PAK2: variants seen among roughly 807,000 people sequenced by gnomAD.
The protein encoded by PAK2 is p21 (RAC1) activated kinase 2.
In PAK2, 21 loss-of-function variants were observed where a neutral mutation model predicts 65.9. The observed-to-expected ratio is 0.32, with a 90% CI of 0.23 to 0.46. The LOEUF (loss-of-function observed/expected upper bound fraction) is 0.46, where lower values mean the gene tolerates loss of function less well. Among genes scored for constraint, PAK2 ranks in the 20% least tolerant of loss-of-function variants. The probability of loss-of-function intolerance (pLI) is 1.00; values close to 1 mark genes in which losing one functional copy is unlikely to be tolerated. For missense variants in PAK2, 324 were observed against 642.6 expected, an observed-to-expected ratio of 0.50 and a Z score of 5.36; for synonymous variants, 204 against 219.7, an observed-to-expected ratio of 0.93 and a Z score of 0.63.
intron 11 of PAK2, among the ~76,000 whole-genome samples, chr3:196,817,199 C>G (rs1439336392): frequency 3.5e-5 from 4 of 113,962 alleles, no homozygotes; most frequent in South Asian, 3.0e-4. Flanking sequence ...GAGTCTTGCT[C>G]TGTCGCCCAG....
At chr3:196,785,099 T>C (rs963267133) in intron 2 of PAK2, 47 of 152,262 alleles carry the variant, frequency 3.1e-4, no homozygotes, top group African/African-American at 1.1e-3. Context: ...TTTTTAATTT[T>C]TTAAATACCC....
intron 1 of PAK2, among the ~76,000 whole-genome samples, chr3:196,747,944 T>TCAC (rs1423375170): frequency 6.6e-6 from 1 of 152,186 alleles, no homozygotes; most frequent in African/African-American, 2.4e-5. Context: ...TCTTTCATGA[T>TCAC]CACCTCTGCC....
At chr3:196,809,699 G>A (rs947701432) in intron 7 of PAK2, among the ~76,000 whole-genome samples, 1 of 149,486 alleles carries the variant, frequency 6.7e-6, no homozygotes, top group Admixed American at 6.7e-5. Context: ...TCATCATTTA[G>A]TTGTGACCTT....
chr3:196,805,276 G>GC, intron 4 of PAK2, 76 bp from the exon 5 acceptor site: 1 of 751,992 alleles, frequency 1.3e-6, no homozygotes, highest in South Asian at 1.7e-5. Context: ...CACTTTCTCT[G>GC]CTTTTTTTTT....
In PAK2 at chr3:196,790,697, G is replaced by A. The variant is rs546029796; in HGVS notation, c.187+7864G>A. 7.9e-5 allele frequency among the ~76,000 whole-genome samples: 12 copies of A among 152,274 alleles called. 2 individuals carry two copies. The highest frequency in any genetic ancestry group is 2.6e-4 in the African/African-American group (11 of 41,548). On this transcript the variant is annotated intron_variant, in intron 2 of 14. Coordinates refer to ENST00000327134, the MANE Select transcript of PAK2 (RefSeq NM_002577.4). Reference sequence around the variant, plus strand: ...CTTGTCAGTCCAGCTGAGAGTCCGGGCCACTTACAGACTCCCAGGAGAGTG... The same window carrying A: ...CTTGTCAGTCCAGCTGAGAGTCCGGACCACTTACAGACTCCCAGGAGAGTG...
At chr3:196,783,130 A>G (rs1325231934) in intron 2 of PAK2, among the ~76,000 whole-genome samples, 1 of 152,120 alleles carries the variant, frequency 6.6e-6, no homozygotes, top group East Asian at 1.9e-4. Context: ...GAGACCTGCT[A>G]TTATAAGAAT....
intron 3 of PAK2, 30 bp downstream of exon 3, chr3:196,802,057 A>G (rs187894670): frequency 8.1e-6 from 9 of 1,112,248 alleles, no homozygotes; most frequent in East Asian, 2.3e-5. Context: ...GCCCATTTAT[A>G]ACGTTTAAAA....
intron 2 of PAK2, among the ~76,000 whole-genome samples, chr3:196,783,769 T>C (rs1031092435): frequency 2.6e-5 from 4 of 152,142 alleles, no homozygotes; most frequent in African/African-American, 9.7e-5. Flanking sequence ...CTAGTCACCC[T>C]CAAATATGTA....
At position 196,764,320 on chromosome 3, in the gene PAK2, A is replaced by G. The variant is rs151050361; in HGVS notation, c.-21-18306A>G. ...TTCTGATGGAACATCGTATCTTAGAAGTCCATTTTTTCTTGCCAGGCGCAG... is the reference window on the plus strand; with the variant it reads ...TTCTGATGGAACATCGTATCTTAGAGGTCCATTTTTTCTTGCCAGGCGCAG... On this transcript the variant is annotated intron_variant, in intron 1 of 14. Transcript: ENST00000327134. Among the ~76,000 whole-genome samples, 8 of 152,188 alleles carry G rather than the reference A, an allele frequency of 5.3e-5. No homozygotes were observed. The East Asian group carries it at 1.4e-3, about 26-fold the overall frequency.
At chr3:196,761,997 A>G (rs1713990783) in intron 1 of PAK2, among the ~76,000 whole-genome samples, 4 of 124,012 alleles carry the variant, frequency 3.2e-5, no homozygotes, top group Non-Finnish European at 7.0e-5. Context: ...GTTGCCAGGC[A>G]GAGGGTCTCC....
At position 196,741,198 on chromosome 3, in the gene PAK2, T is replaced by C. The variant is rs193293254; in HGVS notation, c.-22+1041T>C. Among the ~76,000 whole-genome samples the C allele has an allele frequency of 9.9e-4, 151 of 152,320 alleles. 1 individual carries two copies. The highest frequency in any genetic ancestry group is 4.1e-4 in the Non-Finnish European group (28 of 68,026). Reference sequence around the variant, plus strand: ...TCAAGGTTGTGCACGTCACGTTTTTTCCCCTGCTGTGTTCGACTCTTCCGC... The same window carrying C: ...TCAAGGTTGTGCACGTCACGTTTTTCCCCCTGCTGTGTTCGACTCTTCCGC... On this transcript the variant is annotated intron_variant, in intron 1 of 14. Transcript: ENST00000327134.
chr3:196,766,072 C>T (rs1345021151), intron 1 of PAK2, among the ~76,000 whole-genome samples: 3 of 151,656 alleles, frequency 2.0e-5, no homozygotes, highest in Non-Finnish European at 2.9e-5. Flanking sequence ...AGTTTTTGTA[C>T]TTTTAGTAGA....
At chr3:196,806,128 G>GTCTGA (rs1342803601) in intron 5 of PAK2, among the ~76,000 whole-genome samples, 1 of 151,774 alleles carries the variant, frequency 6.6e-6, no homozygotes, top group Non-Finnish European at 1.5e-5. Context: ...AGCCAGGATG[G>GTCTGA]TCTTGATCTC....
intron 1 of PAK2, among the ~76,000 whole-genome samples, chr3:196,772,466 T>C (rs1714389388): frequency 6.6e-6 from 1 of 152,228 alleles, no homozygotes; most frequent in Non-Finnish European, 1.5e-5. Flanking sequence ...ACTTGATACG[T>C]TATCCAGACC....
intron 2 of PAK2, among the ~76,000 whole-genome samples, chr3:196,793,774 CA>C (rs567030902): frequency 4.4e-4 from 67 of 152,196 alleles, no homozygotes; most frequent in African/African-American, 1.6e-3. Context: ...CTTGGAATAT[CA>C]ACATTTAAAA....
intron 1 of PAK2, among the ~76,000 whole-genome samples, chr3:196,772,464 C>G (rs909387564): frequency 4.6e-5 from 7 of 152,180 alleles, no homozygotes; most frequent in African/African-American, 1.7e-4. Context: ...AGACTTGATA[C>G]GTTATCCAGA....
chr3:196,804,543 C>T (rs1362720332), intron 4 of PAK2, among the ~76,000 whole-genome samples: 1 of 152,106 alleles, frequency 6.6e-6, no homozygotes, highest in Non-Finnish European at 1.5e-5. Context: ...TCTCGGCTTG[C>T]CAGAACCCCC....
At chr3:196,785,954 A>C (rs1210782223) in intron 2 of PAK2, among the ~76,000 whole-genome samples, 1 of 152,114 alleles carries the variant, frequency 6.6e-6, no homozygotes, top group Non-Finnish European at 1.5e-5. Context: ...CAGCCAAACC[A>C]TATCAAGGTC....
At chr3:196,744,938 T>A (rs938520311) in intron 1 of PAK2, among the ~76,000 whole-genome samples, 1 of 152,140 alleles carries the variant, frequency 6.6e-6, no homozygotes, top group African/African-American at 2.4e-5. Context: ...TTTTCTTTTT[T>A]TTTTGAATTG....
Sources: allele counts gnomAD v4.1 joint callset (sites outside exome capture counted in the v4.1 genomes callset), GRCh38; gene constraint gnomAD v4.1.1; transcripts MANE v1.5; gene names NCBI Gene and HGNC (gene_info 2026-07-23, HGNC 2026-07-21).